BLTP1: variants seen among roughly 807,000 people sequenced by gnomAD.
BLTP1 encodes bridge-like lipid transfer protein family member 1.
the BLTP1 span, chr4:122,196,921 A>G: frequency 5.8e-6 from 3 of 520,492 alleles, no homozygotes; most frequent in South Asian, 4.7e-5. Context: ...AAATAATTTT[A>G]TGTATTTTAC....
At chr4:122,233,110 A>G in the BLTP1 span, among the ~76,000 whole-genome samples, 1 of 152,242 alleles carries the variant, frequency 6.6e-6, no homozygotes, top group Non-Finnish European at 1.5e-5. Flanking sequence ...AGGCCTTGCC[A>G]GACCTCAATC....
chr4:122,357,346 T>G, the BLTP1 span, among the ~76,000 whole-genome samples: 1 of 152,038 alleles, frequency 6.6e-6, no homozygotes, highest in Non-Finnish European at 1.5e-5. Flanking sequence ...ATGGACTGCT[T>G]GAGCCCAGGG....
chr4:122,362,319 A>ATAAT, the BLTP1 span: 94 of 1,112,922 alleles, frequency 8.4e-5, no homozygotes, highest in Admixed American at 2.5e-4. Flanking sequence ...TTTTAGTATA[A>ATAAT]TAATTTGAAA....
the BLTP1 span, chr4:122,309,610 C>A: frequency 1.2e-6 from 1 of 822,850 alleles, no homozygotes; most frequent in Non-Finnish European, 1.8e-6. Flanking sequence ...AGGTAACAAA[C>A]CATATTCGTG....
At chr4:122,238,295 C>T in the BLTP1 span, 3 of 1,613,976 alleles carry the variant, frequency 1.9e-6, no homozygotes, top group Non-Finnish European at 2.5e-6. Flanking sequence ...TGCTGATGAC[C>T]ATTTGGTTCA....
At chr4:122,292,293 T>C in the BLTP1 span, 1 of 921,610 alleles carries the variant, frequency 1.1e-6, no homozygotes, top group East Asian at 1.2e-4. Context: ...TCTTCAGAGA[T>C]GGATTATCAA....
chr4:122,189,523 T>C, the BLTP1 span: 2 of 824,118 alleles, frequency 2.4e-6, no homozygotes, highest in Non-Finnish European at 2.9e-6. Flanking sequence ...TTTTGAATGA[T>C]TATAGTTTAA....
At chr4:122,170,777 G>A in the BLTP1 span, 1 of 1,490,436 alleles carries the variant, frequency 6.7e-7, no homozygotes, top group South Asian at 1.3e-5. Flanking sequence ...ATTTTATTGT[G>A]TTTTAAGTAT....
the BLTP1 span, among the ~76,000 whole-genome samples, chr4:122,355,584 T>C: frequency 5.4e-5 from 8 of 148,578 alleles, no homozygotes; most frequent in Middle Eastern, 7.1e-3. Context: ...TATATAAATA[T>C]ATGTATATAT....
At chr4:122,357,568 CAAA>C in the BLTP1 span, among the ~76,000 whole-genome samples, 13 of 80,304 alleles carry the variant, frequency 1.6e-4, no homozygotes, top group East Asian at 3.7e-4. Flanking sequence ...GATCCTGTCT[CAAA>C]AAAAAAAAAA....
the BLTP1 span, chr4:122,344,544 C>T: frequency 3.7e-6 from 6 of 1,604,448 alleles, no homozygotes; most frequent in Non-Finnish European, 5.1e-6. Flanking sequence ...ATGGATACTA[C>T]GTTAATAAAT....
the BLTP1 span, among the ~76,000 whole-genome samples, chr4:122,290,554 G>A: frequency 6.6e-5 from 10 of 151,844 alleles, no homozygotes; most frequent in African/African-American, 2.2e-4. Flanking sequence ...TTGGGAGGCC[G>A]AGGCGGGTGG....
chr4:122,208,313 A>G, the BLTP1 span: 13 of 758,106 alleles, frequency 1.7e-5, no homozygotes, highest in African/African-American at 2.5e-4. Flanking sequence ...ATACAACTAG[A>G]GAGTTATTGG....
chr4:122,186,519 A>C, the BLTP1 span, among the ~76,000 whole-genome samples: 2 of 152,074 alleles, frequency 1.3e-5, no homozygotes, highest in African/African-American at 4.8e-5. Context: ...AAATGTATAC[A>C]TACATATTTA....
chr4:122,324,497 C>T, the BLTP1 span: 1 of 1,610,824 alleles, frequency 6.2e-7, no homozygotes. Flanking sequence ...AGCATTTCTG[C>T]TTCTGGAAGA....
chr4:122,359,658 A>T, the BLTP1 span: 1 of 1,612,868 alleles, frequency 6.2e-7, no homozygotes, highest in Non-Finnish European at 8.5e-7. Context: ...AGATAGCATC[A>T]CTTATACTAC....
At chr4:122,272,033 G>C in the BLTP1 span, 19 of 1,190,756 alleles carry the variant, frequency 1.6e-5, no homozygotes, top group Admixed American at 8.3e-5. Context: ...TAATCATTTT[G>C]TTGGGGATTA....
the BLTP1 span, chr4:122,341,548 G>T: frequency 4.6e-6 from 1 of 218,242 alleles, no homozygotes; most frequent in African/African-American, 2.4e-5. Flanking sequence ...CTAGGAATAG[G>T]TAGTGAAAGG....
the BLTP1 span, among the ~76,000 whole-genome samples, chr4:122,260,337 A>C: frequency 6.6e-6 from 1 of 152,224 alleles, no homozygotes. Context: ...TATTGTAAAC[A>C]GAACAGTAAG....
Sources: allele counts gnomAD v4.1 joint callset (sites outside exome capture counted in the v4.1 genomes callset), GRCh38; gene constraint gnomAD v4.1.1; transcripts MANE v1.5; gene names NCBI Gene and HGNC (gene_info 2026-07-23, HGNC 2026-07-21).